Variants in BIRC6 observed in about 807,000 individuals in gnomAD.
BIRC6 encodes the protein baculoviral IAP repeat containing 6, also known as dual E2 ubiquitin-conjugating enzyme/E3 ubiquitin-protein ligase BIRC6.
Under a neutral mutation model 503.3 loss-of-function variants are expected in BIRC6, and 98 were observed. The ratio of observed to expected loss-of-function variants is 0.19; its 90% confidence interval spans 0.17 to 0.23. The LOEUF (loss-of-function observed/expected upper bound fraction) is 0.23, where lower values mean the gene tolerates loss of function less well. Among genes scored for constraint, BIRC6 ranks in the 10% least tolerant of loss-of-function variants. The pLI is 1.00. For missense variants in BIRC6, 5,360 were observed against 5,806.0 expected (o/e 0.92, Z 2.50); for synonymous variants, 2,240 against 2,078.7 (o/e 1.08, Z -2.11).
At chr2:32,446,368 G>T (rs118097900) in intron 21 of BIRC6, among the ~76,000 whole-genome samples, 1 of 152,176 alleles carries the variant, frequency 6.6e-6, no homozygotes, top group Admixed American at 6.5e-5. Flanking sequence ...AACTTCTAAC[G>T]TGATGAATTA....
intron 61 of BIRC6, among the ~76,000 whole-genome samples, chr2:32,532,442 C>T (rs551062259): frequency 1.3e-3 from 202 of 152,142 alleles, no homozygotes; most frequent in African/African-American, 4.8e-3. Context: ...TTTCTGCCTA[C>T]GTCGTCATAT....
intron 5 of BIRC6, among the ~76,000 whole-genome samples, chr2:32,393,946 C>CTATATATATA (rs10580859): frequency 6.9e-6 from 1 of 145,532 alleles, no homozygotes; most frequent in Non-Finnish European, 1.5e-5. Flanking sequence ...AACCAGAAAA[C>CTATATATATA]TATATATATA....
chr2:32,442,737 C>T (rs1268767078), intron 19 of BIRC6, among the ~76,000 whole-genome samples: 1 of 152,094 alleles, frequency 6.6e-6, no homozygotes, highest in Non-Finnish European at 1.5e-5. Context: ...ACTCTTAAAC[C>T]CTTTTCACTC....
chr2:32,473,706 C>CGCGT (rs1553452534), intron 33 of BIRC6, among the ~76,000 whole-genome samples: 3 of 72,670 alleles, frequency 4.1e-5, no homozygotes, highest in Admixed American at 2.1e-4. Flanking sequence ...TCTCCTTTTT[C>CGCGT]GTGTGTGTGT....
At chr2:32,529,516 T>C (rs1342508093) in intron 59 of BIRC6, 135 bp from the exon 60 acceptor site, 5 of 769,072 alleles carry the variant, frequency 6.5e-6, no homozygotes, top group African/African-American at 5.4e-5. Context: ...CCAATGGCTG[T>C]TGAATTTTTT....
chr2:32,489,984 G>T, intron 42 of BIRC6, 57 bp from the exon 43 acceptor site: 1 of 1,207,618 alleles, frequency 8.3e-7, no homozygotes, highest in Non-Finnish European at 1.2e-6. Context: ...TTTTGACTTA[G>T]TTCTTCATAA....
At chr2:32,368,178 A>G (rs866979243) in intron 1 of BIRC6, among the ~76,000 whole-genome samples, 1 of 151,670 alleles carries the variant, frequency 6.6e-6, no homozygotes, top group East Asian at 1.9e-4. Context: ...GCCCAGGCAT[A>G]CTGTTTTTTT....
chr2:32,537,574 C>T (rs1402237451), intron 61 of BIRC6, among the ~76,000 whole-genome samples: 1 of 152,116 alleles, frequency 6.6e-6, no homozygotes, highest in Non-Finnish European at 1.5e-5. Flanking sequence ...ACCCACCTCG[C>T]CCATCGCCTC....
intron 9 of BIRC6, among the ~76,000 whole-genome samples, chr2:32,407,511 G>A (rs1199672577): frequency 1.3e-5 from 2 of 150,620 alleles, no homozygotes; most frequent in South Asian, 4.2e-4. Context: ...TGCCTGGGAA[G>A]TACCCAGTAT....
intron 3 of BIRC6, among the ~76,000 whole-genome samples, chr2:32,382,689 A>G (rs2037849158): frequency 6.6e-6 from 1 of 152,140 alleles, no homozygotes; most frequent in Non-Finnish European, 1.5e-5. Context: ...ATATATTTGA[A>G]CTTTCATATA....
chr2:32,362,922 T>A (rs2034344225), intron 1 of BIRC6, among the ~76,000 whole-genome samples: 1 of 152,222 alleles, frequency 6.6e-6, no homozygotes, highest in African/African-American at 2.4e-5. Flanking sequence ...AAAATGAGGA[T>A]AATTGTACTA....
rs1319595481 is a variant in BIRC6 at position 32,508,056 on chromosome 2, A to C, written c.9777A>C (p.Thr3259=). 3.1e-6 allele frequency: 5 copies of C among 1,613,806 alleles called. No individual in the cohort carries two copies. The highest frequency in any genetic ancestry group is 8.5e-7 in the Non-Finnish European group (1 of 1,179,874). The change falls in exon 51 of 74, where the codon ACA becomes ACC. Residue 3259 remains threonine (T), a synonymous_variant. Coordinates refer to ENST00000421745, the MANE Select transcript of BIRC6 (RefSeq NM_016252.4). The part of the protein sequence containing the change: ...NMLPLSTPVV[T]SGLTYIKIQL... Reference sequence around the variant, plus strand: ...TACCTTTGTCCACTCCTGTTGTCACAAGTGGCCTCACCTACATAAAAATTC... The same window carrying C: ...TACCTTTGTCCACTCCTGTTGTCACCAGTGGCCTCACCTACATAAAAATTC...
At chr2:32,378,737 G>A (rs762025) in intron 2 of BIRC6, among the ~76,000 whole-genome samples, 53,206 of 152,024 alleles carry the variant, frequency 0.35, 9,790 homozygotes, top group East Asian at 0.65. Flanking sequence ...GATTATAGGC[G>A]TGAGCCACCG....
chr2:32,495,024 A>G (rs1420098436), intron 45 of BIRC6, among the ~76,000 whole-genome samples: 1 of 152,230 alleles, frequency 6.6e-6, no homozygotes, highest in Admixed American at 6.5e-5. Context: ...ATTTTGTGAA[A>G]TTTTGAATGA....
chr2:32,532,710 A>G (rs1009337114), intron 61 of BIRC6, among the ~76,000 whole-genome samples: 8 of 152,308 alleles, frequency 5.3e-5, no homozygotes, highest in African/African-American at 9.6e-5. Context: ...TGATATAACT[A>G]TGTTATAAGG....
chr2:32,441,648 C>A (rs1558734252), intron 17 of BIRC6, among the ~76,000 whole-genome samples, 186 bp downstream of exon 17: 1 of 152,048 alleles, frequency 6.6e-6, no homozygotes, highest in Non-Finnish European at 1.5e-5. Context: ...TCTCTAGTGT[C>A]CGCACAGTGC....
intron 39 of BIRC6, among the ~76,000 whole-genome samples, chr2:32,483,152 A>G (rs1327051054): frequency 6.6e-6 from 1 of 152,044 alleles, no homozygotes; most frequent in Non-Finnish European, 1.5e-5. Flanking sequence ...TGTGACCTCA[A>G]ATGATCTGCC....
At position 32,599,784 on chromosome 2, in the gene BIRC6, T is replaced by C; in HGVS notation, c.13876T>C (p.Phe4626Leu). ...PADTPYANGCFEFDVYFPQDY... is the reference protein window; with the variant it reads ...PADTPYANGCLEFDVYFPQDY... The stretch of plus-strand genomic sequence containing the variant: ...GGACACCCCTTATGCAAATGGCTGC[T>C]TTGAGTTTGATGTGTATTTTCCTCA... Residue 4626 changes from phenylalanine to leucine, a missense_variant, in exon 70 of 74, where the codon TTT (phenylalanine) becomes CTT (leucine). Transcript: ENST00000421745. 6.2e-7 allele frequency: 1 copy of C among 1,613,986 alleles called. No homozygotes were observed. The highest frequency in any genetic ancestry group is 8.5e-7 in the Non-Finnish European group (1 of 1,179,848).
rs1302305429 is a variant in BIRC6, at chr2:32,612,065, A to G, written c.14394+483A>G. Reference sequence around the variant, plus strand: ...TAAATTTTTTTATTTTCAATTTTGTAGAGATGGGGTCTCACCCTGTTTCCT... The same window carrying G: ...TAAATTTTTTTATTTTCAATTTTGTGGAGATGGGGTCTCACCCTGTTTCCT... On this transcript the variant is annotated intron_variant, in intron 73 of 73. Coordinates refer to ENST00000421745, the MANE Select transcript of BIRC6 (RefSeq NM_016252.4). Among the ~76,000 whole-genome samples the G allele has an allele frequency of 2.0e-5, 3 of 151,954 alleles. 1 individual carries two copies. Among genetic ancestry groups the G allele is most frequent in the African/African-American group, 7.3e-5 (3 of 41,348 alleles).
Sources: allele counts gnomAD v4.1 joint callset (sites outside exome capture counted in the v4.1 genomes callset), GRCh38; gene constraint gnomAD v4.1.1; transcripts MANE v1.5; gene names NCBI Gene and HGNC (gene_info 2026-07-23, HGNC 2026-07-21).